The following USH2A variants were observed in gnomAD, a reference collection of about 807,000 sequenced individuals.
USH2A encodes the protein Usher syndrome 2A (autosomal recessive, mild).
USH2A carries 443 observed loss-of-function variants against 538.9 expected under a neutral mutation model. The observed-to-expected ratio is 0.82, with a 90% CI of 0.76 to 0.89. USH2A has a LOEUF of 0.89. Ranked by LOEUF, USH2A falls within the 40% of genes least tolerant of loss-of-function variation. The pLI, the probability that USH2A is intolerant of heterozygous loss-of-function variation, is 0.00. For synonymous variants in USH2A, 2,413 were observed against 2,273.5 expected (o/e 1.06, Z -1.75); for missense variants, 6,633 against 6,324.8 (o/e 1.05, Z -1.65).
At chr1:215,731,993 G>C (rs932940849) in intron 60 of USH2A, among the ~76,000 whole-genome samples, 2 of 152,164 alleles carry the variant, frequency 1.3e-5, no homozygotes, top group Non-Finnish European at 2.9e-5. Context: ...TAACCTCATA[G>C]AGTATAACAA....
At chr1:216,171,544 CACTT>C (rs1250739627) in intron 21 of USH2A, among the ~76,000 whole-genome samples, 1 of 152,012 alleles carries the variant, frequency 6.6e-6, no homozygotes, top group Non-Finnish European at 1.5e-5. Flanking sequence ...AGAATACTCT[CACTT>C]AGGAAAGCTC....
intron 15 of USH2A, among the ~76,000 whole-genome samples, chr1:216,207,780 T>A (rs185399952): frequency 2.0e-5 from 3 of 151,132 alleles, no homozygotes; most frequent in African/African-American, 7.3e-5. Context: ...ATAGTTAATT[T>A]AAAAGTTGAC....
chr1:215,837,485 A>G (rs1050653546), intron 47 of USH2A, among the ~76,000 whole-genome samples: 1 of 152,192 alleles, frequency 6.6e-6, no homozygotes, highest in African/African-American at 2.4e-5. Context: ...CTTTCAAACT[A>G]TGGTCATTTC....
At chr1:215,911,584 A>G (rs1402179119) in intron 38 of USH2A, among the ~76,000 whole-genome samples, 1 of 152,044 alleles carries the variant, frequency 6.6e-6, no homozygotes, top group African/African-American at 2.4e-5. Context: ...TATGTACCAC[A>G]TTTTGTTTAT....
intron 61 of USH2A, among the ~76,000 whole-genome samples, chr1:215,686,851 G>A (rs1036706884): frequency 7.2e-5 from 11 of 152,034 alleles, no homozygotes; most frequent in African/African-American, 9.7e-5. Context: ...TTTATGGAAC[G>A]TTCACTCTAT....
chr1:215,660,172 A>G (rs771027437), intron 64 of USH2A, among the ~76,000 whole-genome samples: 8 of 152,012 alleles, frequency 5.3e-5, no homozygotes, highest in Non-Finnish European at 8.8e-5. Context: ...CAACTTATCA[A>G]CTCTATATCC....
In USH2A at chr1:216,045,906, G is replaced by A. The variant is rs17025920; in HGVS notation, c.6325+525C>T. On this transcript the variant is annotated intron_variant, in intron 32 of 71. Coordinates refer to ENST00000307340, the MANE Select transcript of USH2A (RefSeq NM_206933.4). Reference sequence around the variant, plus strand: ...TTCAGTTTCACCATGAATCTAATATGACCTTCAAGATCATACAATTGGAGT... The same window carrying A: ...TTCAGTTTCACCATGAATCTAATATAACCTTCAAGATCATACAATTGGAGT... Among the ~76,000 whole-genome samples the A allele has an allele frequency of 7.3e-3, 1,108 of 152,084 alleles. 17 individuals carry two copies. The highest frequency in any genetic ancestry group is 0.025 in the African/African-American group (1,028 of 41,474).
At chr1:216,368,439 A>G (rs2038640602) in intron 3 of USH2A, among the ~76,000 whole-genome samples, 1 of 152,150 alleles carries the variant, frequency 6.6e-6, no homozygotes, top group Non-Finnish European at 1.5e-5. Context: ...ACTAAAAGAA[A>G]CTGCTGACTC....
At chr1:216,105,846 C>T (rs543032060) in intron 21 of USH2A, among the ~76,000 whole-genome samples, 48 of 151,712 alleles carry the variant, frequency 3.2e-4, no homozygotes, top group African/African-American at 1.1e-3. Flanking sequence ...AATTTAAGTG[C>T]TATGTTTTGA....
rs1656171199 is a variant in USH2A, at chr1:215,629,045, A to G, written c.15298-10T>C. The G allele has an allele frequency of 6.2e-7, 1 of 1,611,818 alleles. No homozygotes were observed. Among genetic ancestry groups the G allele is most frequent in the East Asian group, 2.2e-5 (1 of 44,880 alleles). ...TGGTATCGGCTAACCCCTGAGAAGG[A>G]AGTTGCTGTGAGTATTTCACATATA... is the stretch of plus-strand genomic sequence containing the variant. On this transcript the variant is annotated splice_polypyrimidine_tract_variant and intron_variant, in intron 70 of 71. Coordinates refer to ENST00000307340, the MANE Select transcript of USH2A (RefSeq NM_206933.4).
At chr1:215,986,313 T>TC (rs1406182357) in intron 35 of USH2A, among the ~76,000 whole-genome samples, 1 of 101,910 alleles carries the variant, frequency 9.8e-6, no homozygotes, top group Non-Finnish European at 2.0e-5. Flanking sequence ...TCTTTTTCTT[T>TC]TTTTTTTTTT....
intron 14 of USH2A, among the ~76,000 whole-genome samples, chr1:216,229,819 T>TA (rs2035640526): frequency 6.6e-6 from 1 of 151,876 alleles, no homozygotes; most frequent in African/African-American, 2.4e-5. Flanking sequence ...GTTCCTGGAC[T>TA]AAAGTAAGGT....
At chr1:216,228,130 G>A (rs2035596465) in intron 14 of USH2A, among the ~76,000 whole-genome samples, 1 of 152,086 alleles carries the variant, frequency 6.6e-6, no homozygotes, top group Admixed American at 6.6e-5. Flanking sequence ...AATTGGAATT[G>A]GAAAGATGTG....
At position 216,175,544 on chromosome 1, in the gene USH2A, T is replaced by C. The variant is rs1572021368; in HGVS notation, c.4397-62A>G. On this transcript the variant is annotated intron_variant, in intron 20 of 71. Transcript: ENST00000307340. ...TGGTTTCTGTCTCTAGACACACATA[T>C]TCACATATACGTATATATGTATTTG... 10 of 1,438,036 alleles carry C rather than the reference T, an allele frequency of 7.0e-6. No homozygotes were observed. In the East Asian group the frequency reaches 2.3e-4, roughly 33 times the overall value. The allele number at this position is 1,438,036 out of a possible 1,614,324, so 89.1% of individuals were successfully genotyped here. A position where few individuals can be genotyped will look rare whatever the true frequency, so the allele number is the denominator to read the frequency against.
chr1:215,973,346 C>G (rs944333980), intron 35 of USH2A, among the ~76,000 whole-genome samples: 1 of 152,104 alleles, frequency 6.6e-6, no homozygotes, highest in Non-Finnish European at 1.5e-5. Context: ...AGTATGAACT[C>G]TAAAAATCTT....
intron 35 of USH2A, among the ~76,000 whole-genome samples, chr1:215,986,890 C>T (rs892587403): frequency 6.6e-6 from 1 of 152,134 alleles, no homozygotes; most frequent in African/African-American, 2.4e-5. Flanking sequence ...AGGACTAGGG[C>T]AGTGAAAAAG....
chr1:216,371,982 T>C (rs932977645), intron 3 of USH2A, among the ~76,000 whole-genome samples: 21 of 152,208 alleles, frequency 1.4e-4, no homozygotes, highest in African/African-American at 4.8e-4. Context: ...TATTAAATAT[T>C]CTCTATTGAG....
intron 21 of USH2A, among the ~76,000 whole-genome samples, chr1:216,145,134 T>C (rs1268358724): frequency 6.6e-6 from 1 of 152,126 alleles, no homozygotes; most frequent in Non-Finnish European, 1.5e-5. Flanking sequence ...CCCACAACAA[T>C]ACACCTCTCT....
chr1:215,743,057 A>G, intron 59 of USH2A, 120 bp downstream of exon 59: 1 of 1,261,292 alleles, frequency 7.9e-7, no homozygotes, highest in Non-Finnish European at 1.1e-6. Flanking sequence ...AGTCCACTAC[A>G]AATAAGAAGT....
Sources: allele counts gnomAD v4.1 joint callset (sites outside exome capture counted in the v4.1 genomes callset), GRCh38; gene constraint gnomAD v4.1.1; transcripts MANE v1.5; gene names NCBI Gene and HGNC (gene_info 2026-07-23, HGNC 2026-07-21).